ADARB2: variants seen among roughly 807,000 people sequenced by gnomAD.
ADARB2 encodes the protein adenosine deaminase RNA specific B2 (inactive), also known as inactive double-stranded RNA-specific editase B2.
In ADARB2, 25 loss-of-function variants were observed where a neutral mutation model predicts 62.2. That is an observed-to-expected ratio of 0.40 (90% CI 0.29 to 0.56). The LOEUF is 0.56. ADARB2 is among the 20% of genes least tolerant of loss of function. The pLI, the probability that ADARB2 is intolerant of heterozygous loss-of-function variation, is 0.43. For missense variants in ADARB2, 1,071 were observed against 1,077.4 expected, an observed-to-expected ratio of 0.99 and a Z score of 0.08; for synonymous variants, 572 against 500.8, an observed-to-expected ratio of 1.14 and a Z score of -1.90.
intron 3 of ADARB2, among the ~76,000 whole-genome samples, chr10:1,303,057 G>A (rs909213184): frequency 1.3e-5 from 2 of 152,142 alleles, no homozygotes; most frequent in African/African-American, 2.4e-5. Context: ...AGAGAAGAAG[G>A]CTTCAGACGA....
chr10:1,480,960 A>T (rs1831462715), intron 1 of ADARB2, among the ~76,000 whole-genome samples: 1 of 152,178 alleles, frequency 6.6e-6, no homozygotes, highest in Non-Finnish European at 1.5e-5. Context: ...AAATAGAAAA[A>T]CCCATCCTAA....
At chr10:1,563,378 A>G (rs1766765430) in intron 1 of ADARB2, among the ~76,000 whole-genome samples, 2 of 152,132 alleles carry the variant, frequency 1.3e-5, no homozygotes, top group African/African-American at 4.8e-5. Context: ...TAAGGTGCTC[A>G]TGTGTGTCCC....
intron 1 of ADARB2, among the ~76,000 whole-genome samples, chr10:1,439,057 C>T (rs1437215598): frequency 2.4e-4 from 31 of 128,740 alleles, no homozygotes; most frequent in Non-Finnish European, 1.7e-5. Context: ...AGGATGGAGG[C>T]AGGCCCTTCA....
At chr10:1,196,049 C>G (rs1589148331) in intron 8 of ADARB2, among the ~76,000 whole-genome samples, 1 of 152,168 alleles carries the variant, frequency 6.6e-6, no homozygotes, top group South Asian at 2.1e-4. Flanking sequence ...CTCACACTCT[C>G]AGCCCAACCC....
chr10:1,315,310 G>A (rs1831728718), intron 3 of ADARB2, among the ~76,000 whole-genome samples: 1 of 152,172 alleles, frequency 6.6e-6, no homozygotes, highest in Non-Finnish European at 1.5e-5. Flanking sequence ...CCCAGCCAGC[G>A]CACATGGCTT....
intron 1 of ADARB2, among the ~76,000 whole-genome samples, chr10:1,463,471 C>T (rs571043604): frequency 2.0e-5 from 3 of 152,194 alleles, no homozygotes; most frequent in African/African-American, 2.4e-5. Context: ...TCAGCTTTTC[C>T]GCTAAAGTGG....
At chr10:1,330,115 G>T (rs1443300443) in intron 3 of ADARB2, among the ~76,000 whole-genome samples, 10 of 152,186 alleles carry the variant, frequency 6.6e-5, no homozygotes, top group African/African-American at 2.4e-4. Flanking sequence ...ACGTTCTTTT[G>T]TGTGTAAGGG....
chr10:1,542,075 G>T lies in ADARB2; in HGVS notation c.101-162915C>A, dbSNP rs1331493751. Among the ~76,000 whole-genome samples the T allele has an allele frequency of 1.8e-4, 6 of 32,750 alleles. No homozygotes were observed. The East Asian group carries it at 4.2e-3, about 23-fold the overall frequency. 21.5% of individuals were successfully genotyped at this position (32,750 alleles called of 152,430 possible). A position where few individuals can be genotyped will look rare whatever the true frequency, so the allele number is the denominator to read the frequency against. ...TCCGTCCAGACCCCACTCACACTCA[G>T]TTCAGACCCTGGATCACAGCCGCCC... On this transcript the variant is annotated intron_variant, in intron 1 of 9. Coordinates refer to ENST00000381312, the MANE Select transcript of ADARB2 (RefSeq NM_018702.4).
chr10:1,723,105 A>T (rs1835116325), intron 1 of ADARB2, among the ~76,000 whole-genome samples: 1 of 152,236 alleles, frequency 6.6e-6, no homozygotes, highest in African/African-American at 2.4e-5. Context: ...TCTCCCTGGA[A>T]ACGGGAGCGC....
At chr10:1,228,272 G>T (rs896549428) in intron 6 of ADARB2, among the ~76,000 whole-genome samples, 1 of 152,218 alleles carries the variant, frequency 6.6e-6, no homozygotes, top group African/African-American at 2.4e-5. Flanking sequence ...GAAAATGGCT[G>T]TAAGAACTGA....
At chr10:1,551,698 G>A (rs1832624945) in intron 1 of ADARB2, among the ~76,000 whole-genome samples, 2 of 152,204 alleles carry the variant, frequency 1.3e-5, no homozygotes, top group Admixed American at 6.5e-5. Flanking sequence ...GAGGCGCCAG[G>A]GCCTGGGATT....
intron 3 of ADARB2, among the ~76,000 whole-genome samples, chr10:1,304,647 G>A (rs1296645274): frequency 1.6e-4 from 24 of 150,452 alleles, no homozygotes; most frequent in Admixed American, 3.3e-4. Context: ...CTCAGCAAAT[G>A]TAAAAGAACA....
chr10:1,525,467 G>T (rs905769590), intron 1 of ADARB2, among the ~76,000 whole-genome samples: 1 of 151,826 alleles, frequency 6.6e-6, no homozygotes, highest in African/African-American at 2.4e-5. Flanking sequence ...TGGTATCTCT[G>T]TTTCTCATGG....
chr10:1,554,771 G>A (rs1379901379), intron 1 of ADARB2, among the ~76,000 whole-genome samples: 1 of 152,126 alleles, frequency 6.6e-6, no homozygotes, highest in Non-Finnish European at 1.5e-5. Flanking sequence ...GTGGGTTCAG[G>A]AGGTACGTGT....
At chr10:1,516,670 G>T in intron 1 of ADARB2, among the ~76,000 whole-genome samples, 1 of 152,274 alleles carries the variant, frequency 6.6e-6, no homozygotes, top group East Asian at 1.9e-4. Flanking sequence ...CATTTTCCTC[G>T]AGCTGCATGC....
At chr10:1,302,163 G>A (rs990529272) in intron 3 of ADARB2, among the ~76,000 whole-genome samples, 3 of 152,208 alleles carry the variant, frequency 2.0e-5, no homozygotes, top group Non-Finnish European at 4.4e-5. Flanking sequence ...GCAGGTCAGT[G>A]GGTGCGCACA....
chr10:1,327,157 TCA>T (rs1478982003), intron 3 of ADARB2, among the ~76,000 whole-genome samples: 8 of 47,816 alleles, frequency 1.7e-4, no homozygotes, highest in African/African-American at 5.9e-4. Context: ...CAGTGCCTCG[TCA>T]CAGTTTAGTG....
chr10:1,609,285 C>T (rs573363703), intron 1 of ADARB2, among the ~76,000 whole-genome samples: 79 of 152,332 alleles, frequency 5.2e-4, no homozygotes, highest in African/African-American at 1.7e-3. Context: ...AGCTATTAAA[C>T]GGGCTATAAT....
intron 1 of ADARB2, among the ~76,000 whole-genome samples, chr10:1,674,133 G>C (rs1834430434): frequency 6.6e-6 from 1 of 152,234 alleles, no homozygotes; most frequent in Non-Finnish European, 1.5e-5. Flanking sequence ...GTCGGCCGGG[G>C]GCCCAGGAAT....
Sources: allele counts gnomAD v4.1 joint callset (sites outside exome capture counted in the v4.1 genomes callset), GRCh38; gene constraint gnomAD v4.1.1; transcripts MANE v1.5; gene names NCBI Gene and HGNC (gene_info 2026-07-23, HGNC 2026-07-21).